Variants in CEP112 observed in about 807,000 individuals in gnomAD.
CEP112 encodes the protein centrosomal protein 112, also known as centrosomal protein of 112 kDa.
A neutral mutation model predicts 153.0 loss-of-function variants in CEP112; 127 were observed. The ratio of observed to expected loss-of-function variants is 0.83; its 90% CI spans 0.72 to 0.96. CEP112 has a LOEUF of 0.96. CEP112 is among the 40% of genes least tolerant of loss of function. The pLI, the probability that CEP112 is intolerant of heterozygous loss-of-function variation, is 0.00. For missense variants in CEP112, 1,089 were observed against 1,101.2 expected (o/e 0.99, Z 0.16); for synonymous variants, 358 against 374.4 (o/e 0.96, Z 0.51).
At chr17:65,778,256 A>G (rs1039676387) in intron 21 of CEP112, among the ~76,000 whole-genome samples, 1 of 152,192 alleles carries the variant, frequency 6.6e-6, no homozygotes, top group East Asian at 1.9e-4. Context: ...AACACAACCA[A>G]TAACTGCTGA....
At chr17:66,141,408 T>A (rs201874342) in intron 4 of CEP112, among the ~76,000 whole-genome samples, 1 of 151,414 alleles carries the variant, frequency 6.6e-6, no homozygotes, top group Non-Finnish European at 1.5e-5. Flanking sequence ...AGTTTTTTTC[T>A]TTTATTGTGG....
At chr17:65,686,999 A>G (rs1171840129) in intron 24 of CEP112, among the ~76,000 whole-genome samples, 1 of 151,994 alleles carries the variant, frequency 6.6e-6, no homozygotes, top group Non-Finnish European at 1.5e-5. Context: ...GTGATCTTGG[A>G]TGAGTTAATC....
intron 20 of CEP112, among the ~76,000 whole-genome samples, chr17:65,870,069 G>GAAAGAAAGAAAGAAAGAAAGAAAGA (rs1555689570): frequency 2.1e-4 from 30 of 142,938 alleles, no homozygotes; most frequent in Non-Finnish European, 3.8e-4. Flanking sequence ...AAGAAAGAAA[G>GAAAGAAAGAAAGAAAGAAAGAAAGA]AAAGAAAGAA....
intron 1 of CEP112, among the ~76,000 whole-genome samples, chr17:66,184,250 C>A (rs117291580): frequency 1.3e-5 from 2 of 151,966 alleles, no homozygotes; most frequent in Non-Finnish European, 2.9e-5. Context: ...CAGAGCAAGA[C>A]CCTATCTCAA....
intron 21 of CEP112, among the ~76,000 whole-genome samples, chr17:65,837,045 T>C (rs1486135424): frequency 6.6e-6 from 1 of 152,198 alleles, no homozygotes; most frequent in Non-Finnish European, 1.5e-5. Context: ...ATGCGAGTGA[T>C]CTGCCAGCCT....
chr17:65,687,160 A>ATTTTT (rs35675811), intron 24 of CEP112, among the ~76,000 whole-genome samples: 23 of 90,148 alleles, frequency 2.6e-4, no homozygotes, highest in Middle Eastern at 7.2e-3. Flanking sequence ...GTTATTATTA[A>ATTTTT]TTTTTTTTTT....
intron 20 of CEP112, among the ~76,000 whole-genome samples, chr17:65,876,752 G>A (rs898758328): frequency 1.3e-5 from 2 of 151,772 alleles, no homozygotes; most frequent in Admixed American, 1.3e-4. Flanking sequence ...GTCTCTGCTT[G>A]TTGTTCTGTT....
At chr17:66,135,040 A>G (rs1157712729) in intron 4 of CEP112, among the ~76,000 whole-genome samples, 11 of 152,196 alleles carry the variant, frequency 7.2e-5, no homozygotes, top group Non-Finnish European at 2.9e-5. Flanking sequence ...ATCTACATCT[A>G]TAGTCCAAAT....
At chr17:65,842,382 T>C (rs980564874) in intron 21 of CEP112, among the ~76,000 whole-genome samples, 2 of 152,166 alleles carry the variant, frequency 1.3e-5, no homozygotes, top group Admixed American at 6.5e-5. Context: ...AGTTAAGCTA[T>C]TGACTTGCTC....
At chr17:65,818,507 G>C (rs2056382626) in intron 21 of CEP112, among the ~76,000 whole-genome samples, 1 of 151,768 alleles carries the variant, frequency 6.6e-6, no homozygotes, top group Non-Finnish European at 1.5e-5. Flanking sequence ...ATCATCAGAA[G>C]CAAAACCTGA....
intron 23 of CEP112, among the ~76,000 whole-genome samples, chr17:65,738,677 T>C (rs1443689433): frequency 6.6e-6 from 1 of 152,222 alleles, no homozygotes; most frequent in African/African-American, 2.4e-5. Context: ...ATATGACATT[T>C]CTACTACTTC....
intron 24 of CEP112, among the ~76,000 whole-genome samples, chr17:65,663,006 T>A (rs919969757): frequency 6.6e-6 from 1 of 152,244 alleles, no homozygotes; most frequent in Non-Finnish European, 1.5e-5. Context: ...CCTCTCTTTA[T>A]CTTGAACACG....
intron 6 of CEP112, among the ~76,000 whole-genome samples, chr17:66,124,950 A>G (rs1568518967): frequency 6.6e-6 from 1 of 152,204 alleles, no homozygotes; most frequent in Admixed American, 6.5e-5. Flanking sequence ...CTTCTCAAAT[A>G]AAACTCTGAA....
intron 19 of CEP112, among the ~76,000 whole-genome samples, chr17:65,926,790 C>T (rs1403255961): frequency 6.6e-6 from 1 of 152,040 alleles, no homozygotes; most frequent in Non-Finnish European, 1.5e-5. Flanking sequence ...GATGACTCAT[C>T]GAAAAGCAAG....
chr17:66,175,261 T>A (rs751753521), intron 3 of CEP112, 45 bp from the exon 4 acceptor site: 3 of 1,332,440 alleles, frequency 2.3e-6, no homozygotes, highest in East Asian at 5.5e-5. Flanking sequence ...AAATGTACTA[T>A]AATAAACCAC....
chr17:66,110,547 C>T (rs971959631), intron 6 of CEP112, among the ~76,000 whole-genome samples: 1 of 151,752 alleles, frequency 6.6e-6, no homozygotes, highest in African/African-American at 2.4e-5. Flanking sequence ...CACTTCCTCA[C>T]ACCATATATA....
intron 24 of CEP112, among the ~76,000 whole-genome samples, chr17:65,649,103 C>A (rs1217554738): frequency 7.1e-4 from 105 of 148,438 alleles, no homozygotes; most frequent in African/African-American, 2.6e-3. Context: ...CACACACACA[C>A]ACACACACAC....
At chr17:66,008,179 T>C (rs1485869458) in intron 16 of CEP112, among the ~76,000 whole-genome samples, 2 of 152,178 alleles carry the variant, frequency 1.3e-5, no homozygotes, top group Non-Finnish European at 2.9e-5. Flanking sequence ...GAAGTTTTGA[T>C]ATATGTATAC....
intron 21 of CEP112, among the ~76,000 whole-genome samples, chr17:65,806,915 A>G (rs954943461): frequency 1.3e-5 from 2 of 152,218 alleles, no homozygotes; most frequent in Non-Finnish European, 2.9e-5. Context: ...AGATACCTGA[A>G]GATGTGGAAG....
Sources: allele counts gnomAD v4.1 joint callset (sites outside exome capture counted in the v4.1 genomes callset), GRCh38; gene constraint gnomAD v4.1.1; transcripts MANE v1.5; gene names NCBI Gene and HGNC (gene_info 2026-07-23, HGNC 2026-07-21).